FAM133B: variants seen among roughly 807,000 people sequenced by gnomAD.
FAM133B encodes the protein protein FAM133B.
A neutral mutation model predicts 46.4 loss-of-function variants in FAM133B; 25 were observed. The observed-to-expected ratio is 0.54, with a 90% confidence interval of 0.39 to 0.75. FAM133B has a LOEUF of 0.75. Ranked by LOEUF, FAM133B falls within the 30% of genes least tolerant of loss-of-function variation. The pLI, the probability that FAM133B is intolerant of heterozygous loss-of-function variation, is 0.00. For synonymous variants in FAM133B, 75 were observed against 86.0 expected, an observed-to-expected ratio of 0.87 and a Z score of 0.71; for missense variants, 205 against 277.6, an observed-to-expected ratio of 0.74 and a Z score of 1.86.
chr7:92,575,736 C>T, intron 8 of FAM133B, 35 bp downstream of exon 8: 1 of 1,126,856 alleles, frequency 8.9e-7, no homozygotes, highest in Non-Finnish European at 1.3e-6. Context: ...TATTATATGA[C>T]AGACTATCTT....
chr7:92,590,164 A>G (rs1195066154), intron 1 of FAM133B, 104 bp downstream of exon 1: 2 of 1,577,692 alleles, frequency 1.3e-6, no homozygotes, highest in East Asian at 2.3e-5. Context: ...CCCACGTCTG[A>G]GGGCTGCCGC....
At chr7:92,589,072 GGT>G (rs1795116509) in intron 1 of FAM133B, among the ~76,000 whole-genome samples, 1 of 152,152 alleles carries the variant, frequency 6.6e-6, no homozygotes, top group South Asian at 2.1e-4. Flanking sequence ...AGTCTCCTTT[GGT>G]GTGAGACACA....
chr7:92,563,271 C>T (rs1324906488), intron 10 of FAM133B, among the ~76,000 whole-genome samples: 1 of 152,190 alleles, frequency 6.6e-6, no homozygotes, highest in Non-Finnish European at 1.5e-5. Flanking sequence ...TGGCACTAAG[C>T]TAATTTTCAA....
intron 8 of FAM133B, among the ~76,000 whole-genome samples, chr7:92,572,504 G>C (rs191907034): frequency 8.5e-4 from 129 of 152,306 alleles, no homozygotes; most frequent in Non-Finnish European, 1.4e-3. Context: ...CGGATCACGT[G>C]GTCAAGAGTT....
At chr7:92,566,100 CAT>C (rs749616641) in intron 9 of FAM133B, 39 bp from the exon 10 acceptor site, 76 of 1,598,846 alleles carry the variant, frequency 4.8e-5, no homozygotes, top group Non-Finnish European at 6.2e-5. Flanking sequence ...AGAAGACAAA[CAT>C]GTAATTTGTA....
intron 8 of FAM133B, among the ~76,000 whole-genome samples, chr7:92,573,794 T>C (rs1331039729): frequency 6.6e-6 from 1 of 152,116 alleles, no homozygotes; most frequent in East Asian, 1.9e-4. Context: ...GATCAGTTAA[T>C]ATGGCAAATT....
rs199980853 is a variant in FAM133B, at chr7:92,582,258, AATAACATAACATAAC to A, written c.25-670_25-656del. Among the ~76,000 whole-genome samples, 617 of 147,966 alleles carry A rather than the reference AATAACATAACATAAC, an allele frequency of 4.2e-3. 4 individuals carry two copies. Among genetic ancestry groups the A allele is most frequent in the Non-Finnish European group, 6.6e-3 (445 of 67,424 alleles). ...AGCGACTCCCTCTCAAAATAAAATA[AATAACATAACATAAC>A]ATAACATAACATAACATAACATAAC... On this transcript the variant is annotated intron_variant, in intron 1 of 10. Coordinates refer to ENST00000445716, the MANE Select transcript of FAM133B (RefSeq NM_152789.4).
At chr7:92,575,636 T>C (rs533826090) in intron 8 of FAM133B, 135 bp downstream of exon 8, 9 of 437,898 alleles carry the variant, frequency 2.1e-5, no homozygotes, top group South Asian at 5.4e-5. Context: ...AAATTAAAAA[T>C]TGCTTTAAAT....
intron 7 of FAM133B, 149 bp from the exon 8 acceptor site, chr7:92,575,970 A>G: frequency 7.5e-6 from 3 of 400,360 alleles, no homozygotes; most frequent in South Asian, 5.0e-5. Flanking sequence ...TAAGAGAAAT[A>G]TAAGTTATGT....
chr7:92,578,165 CTTTTCTT>C lies in FAM133B; in HGVS notation c.287_293del (p.Lys96ArgfsTer61). 2 of 1,610,252 alleles carry C rather than the reference CTTTTCTT, an allele frequency of 1.2e-6. No individual in the cohort carries two copies. The highest frequency in any genetic ancestry group is 1.7e-6 in the Non-Finnish European group (2 of 1,178,730). ...TTTTGCTCACCCTACCAGATTTCTT[CTTTTCTT>C]TTTTCTTTCTCTAAATGGAAACAAA... On this transcript the variant is annotated frameshift_variant, in exon 5 of 11. Coordinates refer to ENST00000445716, the MANE Select transcript of FAM133B (RefSeq NM_152789.4). LOFTEE classifies it high-confidence loss of function.
At chr7:92,563,021 A>G (rs1403356870) in intron 10 of FAM133B, among the ~76,000 whole-genome samples, 2 of 152,212 alleles carry the variant, frequency 1.3e-5, no homozygotes, top group Admixed American at 1.3e-4. Flanking sequence ...AGGGAGCTGG[A>G]GTTTTGCTGA....
At chr7:92,575,684 C>A in intron 8 of FAM133B, 87 bp downstream of exon 8, 1 of 624,392 alleles carries the variant, frequency 1.6e-6, no homozygotes, top group African/African-American at 1.9e-5. Context: ...AAATATATCT[C>A]TTAAAAAGAG....
At chr7:92,566,308 A>G (rs1794347207) in intron 9 of FAM133B, among the ~76,000 whole-genome samples, 1 of 152,112 alleles carries the variant, frequency 6.6e-6, no homozygotes, top group African/African-American at 2.4e-5. Context: ...GCACCTAAAA[A>G]AATGTGGTAC....
At chr7:92,587,859 T>C (rs947701174) in intron 1 of FAM133B, among the ~76,000 whole-genome samples, 1 of 152,152 alleles carries the variant, frequency 6.6e-6, no homozygotes, top group Non-Finnish European at 1.5e-5. Flanking sequence ...TTTTAACAAA[T>C]GTACCACTCT....
At chr7:92,563,915 T>C (rs969507362) in intron 10 of FAM133B, among the ~76,000 whole-genome samples, 7 of 152,218 alleles carry the variant, frequency 4.6e-5, no homozygotes, top group African/African-American at 1.7e-4. Context: ...CTATCACTGC[T>C]GTACAAACAT....
At chr7:92,565,031 C>T (rs1008949153) in intron 10 of FAM133B, among the ~76,000 whole-genome samples, 2 of 152,000 alleles carry the variant, frequency 1.3e-5, no homozygotes, top group Non-Finnish European at 2.9e-5. Flanking sequence ...CTGTTATTAC[C>T]AGATTTGGCT....
At chr7:92,567,702 C>A (rs745405651) in intron 9 of FAM133B, among the ~76,000 whole-genome samples, 15 of 152,338 alleles carry the variant, frequency 9.8e-5, no homozygotes, top group Non-Finnish European at 1.9e-4. Flanking sequence ...CCCTGTACAT[C>A]CTCCACGACT....
intron 10 of FAM133B, among the ~76,000 whole-genome samples, chr7:92,563,311 C>T (rs376317301): frequency 5.3e-5 from 8 of 152,308 alleles, no homozygotes; most frequent in African/African-American, 1.9e-4. Context: ...GTTTGAAGTA[C>T]ATAGGGAATA....
In FAM133B at chr7:92,576,474, T is replaced by C. The variant is rs146370965; in HGVS notation, c.465+629A>G. Among the ~76,000 whole-genome samples, 36 of 152,318 alleles carry C rather than the reference T, an allele frequency of 2.4e-4. No homozygotes were observed. The East Asian group carries it at 6.4e-3, about 27-fold the overall frequency. On this transcript the variant is annotated intron_variant, in intron 7 of 10. Transcript: ENST00000445716. The stretch of plus-strand genomic sequence containing the variant: ...CACGGGGGCAGGCAGCTATCTGTTA[T>C]AAATGCAGACAGCTGCTTTGGTTTC...
Sources: allele counts gnomAD v4.1 joint callset (sites outside exome capture counted in the v4.1 genomes callset), GRCh38; gene constraint gnomAD v4.1.1; transcripts MANE v1.5; gene names NCBI Gene and HGNC (gene_info 2026-07-23, HGNC 2026-07-21).